MAP6: variants seen among roughly 807,000 people sequenced by gnomAD.
MAP6 encodes microtubule-associated protein 6.
Under a neutral mutation model 42.4 loss-of-function variants are expected in MAP6, and 26 were observed. The observed-to-expected ratio is 0.61, with a 90% CI of 0.45 to 0.85. The LOEUF (loss-of-function observed/expected upper bound fraction) is 0.85, where lower values mean the gene tolerates loss of function less well. Ranked by LOEUF, MAP6 falls within the 40% of genes least tolerant of loss-of-function variation. The pLI is 0.00. For synonymous variants in MAP6, 418 were observed against 443.8 expected (o/e 0.94, Z 0.73); for missense variants, 966 against 1,099.0 (o/e 0.88, Z 1.71).
At chr11:75,598,712 T>A (rs1157362924) in intron 3 of MAP6, among the ~76,000 whole-genome samples, 2 of 152,216 alleles carry the variant, frequency 1.3e-5, no homozygotes, top group Non-Finnish European at 2.9e-5. Flanking sequence ...AATGAGCACT[T>A]TAGAAGACAC....
At chr11:75,630,064 G>A (rs1943261917) in intron 1 of MAP6, among the ~76,000 whole-genome samples, 2 of 152,216 alleles carry the variant, frequency 1.3e-5, no homozygotes, top group Admixed American at 6.5e-5. Flanking sequence ...TGATGCGAGT[G>A]TGTGTGCATG....
chr11:75,619,727 T>C (rs905415123), intron 1 of MAP6, among the ~76,000 whole-genome samples: 2 of 152,252 alleles, frequency 1.3e-5, no homozygotes, highest in Non-Finnish European at 1.5e-5. Context: ...AGTCAATCAT[T>C]GATGGGCATT....
intron 1 of MAP6, chr11:75,643,014 C>A (rs1590797169): frequency 3.2e-6 from 1 of 315,100 alleles, no homozygotes; most frequent in South Asian, 3.2e-5. Context: ...AGTAATCAAG[C>A]CTGTATTCAT....
At chr11:75,600,488 G>A (rs1185891756) in intron 3 of MAP6, among the ~76,000 whole-genome samples, 1 of 152,198 alleles carries the variant, frequency 6.6e-6, no homozygotes, top group Non-Finnish European at 1.5e-5. Context: ...GCAGTGGGGT[G>A]GAAGTAGGGG....
chr11:75,638,459 T>C (rs958334184), intron 1 of MAP6: 2 of 152,216 alleles, frequency 1.3e-5, no homozygotes, highest in Non-Finnish European at 2.9e-5. Flanking sequence ...ACAGGAATAA[T>C]GAGGCCTCTG....
At chr11:75,618,176 T>A (rs956083732) in intron 1 of MAP6, among the ~76,000 whole-genome samples, 1 of 150,320 alleles carries the variant, frequency 6.7e-6, no homozygotes, top group Non-Finnish European at 1.5e-5. Flanking sequence ...AAAAATAACA[T>A]CATTTTATGA....
rs1455557326 is a variant in MAP6 at position 75,667,334 on chromosome 11, G to C, written c.905+131C>G. ...ACAGGAGGTGGCCTGGGAGGCGGCT[G>C]GGGAGAGGGTGTGGCCTGGGACTGG... On this transcript the variant is annotated intron_variant, in intron 1 of 3. Coordinates refer to ENST00000304771, the MANE Select transcript of MAP6 (RefSeq NM_033063.2). This position sits in a 1 kb window ranked among gnomAD's most constrained non-coding sequence, Gnocchi z 5.6. 3 of 823,662 alleles carry C rather than the reference G, an allele frequency of 3.6e-6. No individual in the cohort carries two copies. The highest frequency in any genetic ancestry group is 5.2e-6 in the Non-Finnish European group (3 of 580,450). The allele number at this position is 823,662 out of a possible 1,614,324, so 51.0% of individuals were successfully genotyped here. A position where few individuals can be genotyped will look rare whatever the true frequency, so the allele number is the denominator to read the frequency against.
rs1943218596 is a variant in MAP6, at chr11:75,627,561, C to T, written c.906-19239G>A. On this transcript the variant is annotated intron_variant, in intron 1 of 3. Transcript: ENST00000304771. ...GGACCTGAAAACAAGGGGACCGTCA[C>T]AGTGAGAAACTGATTTGCTTTCAGA... Among the ~76,000 whole-genome samples, 2 of 152,182 alleles carry T rather than the reference C, an allele frequency of 1.3e-5. 1 individual carries two copies. Among genetic ancestry groups the T allele is most frequent in the South Asian group, 4.1e-4 (2 of 4,822 alleles).
intron 3 of MAP6, among the ~76,000 whole-genome samples, chr11:75,599,478 C>T (rs1942632326): frequency 6.6e-6 from 1 of 152,182 alleles, no homozygotes; most frequent in Non-Finnish European, 1.5e-5. Flanking sequence ...TGCAGTCACC[C>T]AGGCAAGCTA....
chr11:75,658,122 C>T (rs1590809889), intron 1 of MAP6, among the ~76,000 whole-genome samples: 1 of 152,110 alleles, frequency 6.6e-6, no homozygotes, highest in South Asian at 2.1e-4. Context: ...ATTAATAATG[C>T]TGCTATAAAC....
At chr11:75,660,789 T>A (rs1157083776) in intron 1 of MAP6, among the ~76,000 whole-genome samples, 1 of 152,080 alleles carries the variant, frequency 6.6e-6, no homozygotes, top group Non-Finnish European at 1.5e-5. Context: ...AATCCAAACT[T>A]CTTAGCCAGG....
chr11:75,623,150 T>C (rs761829572), intron 1 of MAP6, among the ~76,000 whole-genome samples: 4 of 152,232 alleles, frequency 2.6e-5, no homozygotes, highest in Non-Finnish European at 4.4e-5. Flanking sequence ...TATAATGGAA[T>C]ACTACTTAGC....
chr11:75,607,384 G>A (rs1942799017), intron 2 of MAP6: 1 of 985,450 alleles, frequency 1.0e-6, no homozygotes, highest in Non-Finnish European at 1.2e-6. Flanking sequence ...CCTGACATCA[G>A]AAGATGCTAG....
At chr11:75,593,032 G>T (rs937270622) in intron 3 of MAP6, among the ~76,000 whole-genome samples, 5 of 152,200 alleles carry the variant, frequency 3.3e-5, no homozygotes, top group Non-Finnish European at 7.3e-5. Context: ...CCCTGGGAAG[G>T]CTTCCCTGAC....
chr11:75,639,849 A>G (rs1249349205), intron 1 of MAP6, among the ~76,000 whole-genome samples: 2 of 152,232 alleles, frequency 1.3e-5, no homozygotes, highest in Non-Finnish European at 2.9e-5. Context: ...TCCTGGGCAC[A>G]GCTGTGCAGT....
At chr11:75,615,691 G>C (rs1145696) in intron 1 of MAP6, among the ~76,000 whole-genome samples, 27,149 of 152,128 alleles carry the variant, frequency 0.18, 2,683 homozygotes, top group African/African-American at 0.24. Flanking sequence ...TCCAGCGCCA[G>C]GCTTCTTTCT....
At chr11:75,646,488 C>A (rs371994959) in intron 1 of MAP6, among the ~76,000 whole-genome samples, 1 of 134,960 alleles carries the variant, frequency 7.4e-6, no homozygotes, top group Non-Finnish European at 1.6e-5. Context: ...ATGGTGAAAA[C>A]CCATCTCTAT....
At chr11:75,658,428 C>T (rs1943789965) in intron 1 of MAP6, among the ~76,000 whole-genome samples, 1 of 151,508 alleles carries the variant, frequency 6.6e-6, no homozygotes, top group Non-Finnish European at 1.5e-5. Flanking sequence ...AAAACATGAA[C>T]CCTAGAAACA....
intron 1 of MAP6, among the ~76,000 whole-genome samples, chr11:75,633,627 T>G (rs893059752): frequency 2.6e-5 from 4 of 152,134 alleles, no homozygotes; most frequent in African/African-American, 7.2e-5. Flanking sequence ...ATGTGCTGTG[T>G]GTGTGTATGT....
Sources: allele counts gnomAD v4.1 joint callset (sites outside exome capture counted in the v4.1 genomes callset), GRCh38; gene constraint gnomAD v4.1.1; non-coding constraint Gnocchi (gnomAD v3.1); transcripts MANE v1.5; gene names NCBI Gene and HGNC (gene_info 2026-07-23, HGNC 2026-07-21).